RTL1: variants seen among roughly 807,000 people sequenced by gnomAD.
RTL1 encodes retrotransposon Gag like 1.
For synonymous variants in RTL1, 727 were observed against 748.4 expected (o/e 0.97, Z 0.47); for missense variants, 1,681 against 1,767.5 (o/e 0.95, Z 0.88).
At position 100,881,116 on chromosome 14, in the gene RTL1, C is replaced by T. The variant is rs375169836; in HGVS notation, c.3673G>A (p.Val1225Ile). 41 of 1,576,732 alleles carry T rather than the reference C, an allele frequency of 2.6e-5. No individual in the cohort carries two copies. In the Middle Eastern group the frequency reaches 5.0e-4, roughly 19 times the overall value. ...CGCAAGACGACATCCTCATCACCAA[C>T]GACGTGCAGCTCCAGGTAGCGGTTC... is the stretch of plus-strand genomic sequence containing the variant. ...RQNRYLELHV[V>I]GDEDVVLREA... The change falls in exon 4 of 4, where the codon GTT (valine) becomes ATT (isoleucine). Residue 1225 changes from valine to isoleucine, a missense_variant. Physicochemically the swap from Val to Ile is conservative, Grantham distance 29. Coordinates refer to ENST00000649591, the MANE Select transcript of RTL1 (RefSeq NM_001134888.3). The surrounding 1 kb of genome is among the most constrained non-coding windows in gnomAD (Gnocchi z 6.6).
intron 2 of RTL1, chr14:100,898,844 G>A (rs560346415): frequency 2.6e-5 from 4 of 152,412 alleles, no homozygotes; most frequent in African/African-American, 9.6e-5. Context: ...GACCCTGGAA[G>A]TGGGATGCCT....
intron 3 of RTL1, among the ~76,000 whole-genome samples, chr14:100,887,393 A>AT: frequency 1.3e-5 from 2 of 152,344 alleles, no homozygotes; most frequent in Non-Finnish European, 2.9e-5. Flanking sequence ...AGAACAATAC[A>AT]TTTTACTATA....
chr14:100,881,059 G>T lies in RTL1; in HGVS notation c.3730C>A (p.Arg1244Ser), dbSNP rs776782715. The T allele has an allele frequency of 4.4e-6, 7 of 1,603,314 alleles. No homozygotes were observed. In the East Asian group the frequency reaches 6.8e-5, roughly 15 times the overall value. Residue 1244 changes from arginine (R) to serine (S), a missense_variant, in exon 4 of 4, where the codon CGT becomes AGT. Coordinates refer to ENST00000649591, the MANE Select transcript of RTL1 (RefSeq NM_001134888.3). This position sits in a 1 kb window ranked among gnomAD's most constrained non-coding sequence, Gnocchi z 6.6. ...AGGCCGTCATGCAGGCCACACTGAC[G>T]GTAACGTTGCAGGTCGTCTTGCAGG... ...EALQDDLQRY[R>S]QCGLHDGLQD...
intron 2 of RTL1, among the ~76,000 whole-genome samples, chr14:100,900,575 G>A (rs1392169423): frequency 6.6e-6 from 1 of 152,208 alleles, no homozygotes; most frequent in Non-Finnish European, 1.5e-5. Flanking sequence ...ACGGGGCAAG[G>A]GAACCACAGC....
intron 2 of RTL1, among the ~76,000 whole-genome samples, chr14:100,896,617 C>T (rs566855170): frequency 6.7e-5 from 8 of 118,828 alleles, no homozygotes; most frequent in East Asian, 5.7e-4. Context: ...GGGCTTCTGA[C>T]GGGAGTCGGG....
intron 2 of RTL1, among the ~76,000 whole-genome samples, chr14:100,902,098 G>A (rs909719964): frequency 2.6e-5 from 4 of 152,244 alleles, no homozygotes; most frequent in South Asian, 2.1e-4. Context: ...CTCTCCCCTC[G>A]GATGCCTCCT....
intron 2 of RTL1, among the ~76,000 whole-genome samples, chr14:100,897,264 C>T (rs1341376127): frequency 1.3e-5 from 2 of 152,134 alleles, no homozygotes; most frequent in Non-Finnish European, 2.9e-5. Context: ...TTTGTAAAAA[C>T]AGAAACAAAA....
At chr14:100,888,035 A>G (rs1162214820) in intron 3 of RTL1, among the ~76,000 whole-genome samples, 1 of 152,140 alleles carries the variant, frequency 6.6e-6, no homozygotes, top group Non-Finnish European at 1.5e-5. Flanking sequence ...AACTTAAAAT[A>G]TGTTTACAAT....
At position 100,897,751 on chromosome 14, in the gene RTL1, C is replaced by CGGGGGGGGGG. The variant is rs67432304; in HGVS notation, c.-148-4256_-148-4247dup. On this transcript the variant is annotated intron_variant, in intron 2 of 3. Transcript: ENST00000649591. ...GCCTCAGGTCCTTTACCCTGGTTGG[C>CGGGGGGGGGG]GGGGGGGGGGGTGGGGGGGTGGGGG... is the stretch of plus-strand genomic sequence containing the variant. 3.0e-4 allele frequency: 15 copies of CGGGGGGGGGG among 50,460 alleles called. 3 individuals carry two copies. The highest frequency in any genetic ancestry group is 8.6e-4 in the Admixed American group (2 of 2,324). The allele number at this position is 50,460 out of a possible 1,614,324, so 3.1% of individuals were successfully genotyped here.
rs1173220143 is a variant in RTL1 at position 100,893,765 on chromosome 14, G to C, written c.-148-260C>G. On this transcript the variant is annotated intron_variant, in intron 2 of 3. Coordinates refer to ENST00000649591, the MANE Select transcript of RTL1 (RefSeq NM_001134888.3). This position sits in a 1 kb window ranked among gnomAD's most constrained non-coding sequence, Gnocchi z 4.2. ...ACTCTTTCAATCGTTCTAAGAAGCT[G>C]CGAGGGCCTTCCTTTTATTATCCCC... is the stretch of plus-strand genomic sequence containing the variant. 6.6e-6 allele frequency among the ~76,000 whole-genome samples: 1 copy of C among 152,206 alleles called. No homozygotes were observed. The highest frequency in any genetic ancestry group is 2.4e-5 in the African/African-American group (1 of 41,460).
At chr14:100,901,267 C>G (rs946544306) in intron 2 of RTL1, among the ~76,000 whole-genome samples, 1 of 152,258 alleles carries the variant, frequency 6.6e-6, no homozygotes, top group Admixed American at 6.5e-5. Context: ...TGGCTGGCCT[C>G]GCAGCCATCC....
At chr14:100,886,698 A>G (rs1357962881) in intron 3 of RTL1, among the ~76,000 whole-genome samples, 9 of 152,162 alleles carry the variant, frequency 5.9e-5, no homozygotes, top group African/African-American at 9.7e-5. Flanking sequence ...CAAACCTCTA[A>G]TATAAAATTC....
intron 3 of RTL1, among the ~76,000 whole-genome samples, chr14:100,887,546 GGGTTCTAGGTCAGCCTGGCCAACAT>G (rs1275259306): frequency 2.0e-5 from 3 of 152,208 alleles, no homozygotes; most frequent in Non-Finnish European, 2.9e-5. Flanking sequence ...TTGAGGTCAA[GGGTTCTAGGTCAGCCTGGCCAACAT>G]GGTGAAATCC....
intron 2 of RTL1, among the ~76,000 whole-genome samples, chr14:100,896,853 G>A (rs933778817): frequency 1.3e-5 from 2 of 152,186 alleles, no homozygotes; most frequent in Admixed American, 6.5e-5. Context: ...AACGCGAGCC[G>A]CCGGGCCGCA....
chr14:100,887,170 G>A (rs1367638770), intron 3 of RTL1, among the ~76,000 whole-genome samples: 6 of 151,850 alleles, frequency 4.0e-5, no homozygotes, highest in Admixed American at 3.9e-4. Flanking sequence ...TGATTAATAC[G>A]AACCCCCAAA....
intron 3 of RTL1, among the ~76,000 whole-genome samples, chr14:100,885,975 T>C (rs1235192901): frequency 6.6e-6 from 1 of 152,138 alleles, no homozygotes; most frequent in African/African-American, 2.4e-5. Flanking sequence ...TGTGACATCT[T>C]TGGAATCTGA....
intron 2 of RTL1, chr14:100,897,449 T>C (rs2038874115): frequency 6.6e-6 from 1 of 152,184 alleles, no homozygotes; most frequent in African/African-American, 2.4e-5. Flanking sequence ...CCCCAGCAAA[T>C]TAACTGCTCT....
chr14:100,902,778 C>T (rs1455810197), intron 2 of RTL1, among the ~76,000 whole-genome samples: 2 of 152,240 alleles, frequency 1.3e-5, no homozygotes, highest in African/African-American at 2.4e-5. Flanking sequence ...CCGTCACTGG[C>T]GTGAAGTGAG....
chr14:100,898,022 C>G (rs868383901), intron 2 of RTL1: 2 of 498,888 alleles, frequency 4.0e-6, no homozygotes, highest in Admixed American at 2.0e-5. Flanking sequence ...TTGGCTGTTT[C>G]ATTCCTTTTA....
Sources: gnomAD v4.1 joint callset for allele counts (sites outside exome capture counted in the v4.1 genomes callset) on GRCh38, gnomAD v4.1.1 for gene constraint, Gnocchi (gnomAD v3.1) non-coding constraint, MANE v1.5 for transcripts, NCBI Gene and HGNC (gene_info 2026-07-23, HGNC 2026-07-21) for gene names.